CLVS1: variants seen among roughly 807,000 people sequenced by gnomAD.
CLVS1 encodes the protein clavesin 1, also known as clavesin-1.
In CLVS1, 10 loss-of-function variants were observed where a neutral mutation model predicts 33.1. The observed-to-expected ratio is 0.30, with a 90% CI of 0.19 to 0.51. The LOEUF is 0.51. Among genes scored for constraint, CLVS1 ranks in the 20% least tolerant of loss-of-function variants. CLVS1 has a pLI of 0.97. For missense variants in CLVS1, 343 were observed against 433.4 expected (o/e 0.79, Z 1.85); for synonymous variants, 163 against 166.1 (o/e 0.98, Z 0.14).
At chr8:60,986,461 G>A in the CLVS1 span, among the ~76,000 whole-genome samples, 2 of 152,152 alleles carry the variant, frequency 1.3e-5, no homozygotes, top group African/African-American at 2.4e-5. Context: ...CTATATTCCC[G>A]AATTCCATAC....
At chr8:60,967,213 T>C in the CLVS1 span, among the ~76,000 whole-genome samples, 2 of 152,208 alleles carry the variant, frequency 1.3e-5, no homozygotes, top group African/African-American at 4.8e-5. Context: ...TGCAAGAGCA[T>C]AGGGTATTGT....
chr8:61,296,534 A>C (rs1229498099), intron 1 of CLVS1, among the ~76,000 whole-genome samples: 6 of 152,156 alleles, frequency 3.9e-5, no homozygotes, highest in African/African-American at 1.4e-4. Context: ...AACTGTGAAC[A>C]TTACCTGGCA....
intron 3 of CLVS1, among the ~76,000 whole-genome samples, chr8:61,416,855 A>G (rs1815458989): frequency 6.6e-6 from 1 of 152,304 alleles, no homozygotes; most frequent in East Asian, 1.9e-4. Context: ...GGCTTTAAAG[A>G]TGAAATTTAG....
At chr8:61,280,946 T>C (rs980925511) in intron 2 of CLVS1, among the ~76,000 whole-genome samples, 7 of 152,198 alleles carry the variant, frequency 4.6e-5, no homozygotes, top group Non-Finnish European at 1.0e-4. Flanking sequence ...CTTATTAATG[T>C]GCACATACAC....
intron 1 of CLVS1, among the ~76,000 whole-genome samples, chr8:61,125,457 T>G (rs1585628611): frequency 6.6e-6 from 1 of 152,328 alleles, no homozygotes; most frequent in Middle Eastern, 3.4e-3. Context: ...GTTCAGTTCC[T>G]CATTTTGGTC....
At chr8:61,169,550 C>T (rs1806950418) in intron 2 of CLVS1, among the ~76,000 whole-genome samples, 1 of 152,184 alleles carries the variant, frequency 6.6e-6, no homozygotes, top group Non-Finnish European at 1.5e-5. Context: ...GAGACTTTAT[C>T]TACATAATAA....
intron 1 of CLVS1, among the ~76,000 whole-genome samples, chr8:61,081,073 A>G (rs989390463): frequency 6.6e-6 from 1 of 152,218 alleles, no homozygotes; most frequent in Admixed American, 6.5e-5. Context: ...AAGATTAAAA[A>G]TTGGTCTTAA....
At chr8:60,990,834 G>A in the CLVS1 span, among the ~76,000 whole-genome samples, 1 of 151,220 alleles carries the variant, frequency 6.6e-6, no homozygotes, top group Non-Finnish European at 1.5e-5. Flanking sequence ...TCAGCCTCCC[G>A]AATAGCTGGG....
intron 2 of CLVS1, among the ~76,000 whole-genome samples, chr8:61,270,616 A>T (rs1229673016): frequency 3.3e-5 from 5 of 152,202 alleles, no homozygotes; most frequent in Non-Finnish European, 1.5e-5. Flanking sequence ...TACCTCTGGT[A>T]GAATTCAGCT....
chr8:61,002,743 T>A, the CLVS1 span, among the ~76,000 whole-genome samples: 2 of 152,206 alleles, frequency 1.3e-5, no homozygotes, highest in Non-Finnish European at 2.9e-5. Context: ...TGCCTCCTTG[T>A]GGGCCACCAT....
chr8:60,995,906 A>G, the CLVS1 span, among the ~76,000 whole-genome samples: 3 of 152,216 alleles, frequency 2.0e-5, no homozygotes, highest in African/African-American at 4.8e-5. Context: ...GTAAACTATC[A>G]CAAGAACAAA....
At chr8:61,372,237 T>C (rs111580622) in intron 2 of CLVS1, among the ~76,000 whole-genome samples, 2,477 of 152,258 alleles carry the variant, frequency 0.016, 55 homozygotes, top group African/African-American at 0.056. Flanking sequence ...ATGTAAATGA[T>C]TTGGTAGAAT....
At chr8:61,425,574 G>T (rs1815856118) in intron 3 of CLVS1, among the ~76,000 whole-genome samples, 1 of 152,136 alleles carries the variant, frequency 6.6e-6, no homozygotes, top group Admixed American at 6.5e-5. Context: ...CATCAACCCA[G>T]TAAGAAAACC....
chr8:61,251,478 A>G (rs1462365480), intron 2 of CLVS1, among the ~76,000 whole-genome samples: 1 of 152,216 alleles, frequency 6.6e-6, no homozygotes, highest in Non-Finnish European at 1.5e-5. Flanking sequence ...GAATAGTTTC[A>G]GAAGGAATGG....
intron 2 of CLVS1, among the ~76,000 whole-genome samples, chr8:61,218,478 A>G (rs1366109097): frequency 2.0e-5 from 3 of 152,108 alleles, no homozygotes; most frequent in African/African-American, 7.2e-5. Context: ...AAAAAGTAGA[A>G]CAGAATATAC....
chr8:61,037,723 C>T, the CLVS1 span, among the ~76,000 whole-genome samples: 1 of 152,210 alleles, frequency 6.6e-6, no homozygotes, highest in South Asian at 2.1e-4. Context: ...AACAAACACT[C>T]GCTATCTCCG....
chr8:61,476,052 G>A (rs1319450348), intron 5 of CLVS1, among the ~76,000 whole-genome samples: 2 of 152,114 alleles, frequency 1.3e-5, no homozygotes, highest in Admixed American at 6.5e-5. Context: ...ATTAAATAGG[G>A]AATCTTTTCC....
At chr8:61,206,804 G>A (rs1242590626) in intron 2 of CLVS1, among the ~76,000 whole-genome samples, 2 of 152,004 alleles carry the variant, frequency 1.3e-5, no homozygotes, top group African/African-American at 4.8e-5. Flanking sequence ...AGCCAGGATG[G>A]TCTCGATCTC....
intron 5 of CLVS1, among the ~76,000 whole-genome samples, chr8:61,477,121 C>A (rs192459683): frequency 1.3e-5 from 2 of 152,260 alleles, no homozygotes; most frequent in Admixed American, 1.3e-4. Flanking sequence ...GTATGTTGAA[C>A]CAGCCTTGCA....
Sources: allele counts gnomAD v4.1 joint callset (sites outside exome capture counted in the v4.1 genomes callset), GRCh38; gene constraint gnomAD v4.1.1; transcripts MANE v1.5; gene names NCBI Gene and HGNC (gene_info 2026-07-23, HGNC 2026-07-21).